MYO1H: variants seen among roughly 807,000 people sequenced by gnomAD.
MYO1H encodes the protein myosin IH, also known as unconventional myosin-Ih.
MYO1H carries 118 observed loss-of-function variants against 149.3 expected under a neutral mutation model. That is an observed-to-expected ratio of 0.79 (90% CI 0.68 to 0.92). MYO1H has a LOEUF of 0.92. Ranked by LOEUF, MYO1H falls within the 40% of genes least tolerant of loss-of-function variation. The pLI, the probability that MYO1H is intolerant of heterozygous loss-of-function variation, is 0.00. For missense variants in MYO1H, 1,212 were observed against 1,280.7 expected (o/e 0.95, Z 0.82); for synonymous variants, 447 against 465.2 (o/e 0.96, Z 0.50).
intron 1 of MYO1H, among the ~76,000 whole-genome samples, chr12:109,350,591 G>A (rs1868443813): frequency 1.3e-5 from 2 of 152,164 alleles, no homozygotes; most frequent in Non-Finnish European, 2.9e-5. Context: ...CCAGTCTCAA[G>A]TATGTCTTTA....
At chr12:109,407,721 A>T in intron 9 of MYO1H, 73 bp from the exon 10 acceptor site, 1 of 1,493,016 alleles carries the variant, frequency 6.7e-7, no homozygotes, top group Non-Finnish European at 9.0e-7. Flanking sequence ...TTTTTTAAGA[A>T]AAAAGACTTC....
chr12:109,310,767 TTCC>T, the MYO1H span, among the ~76,000 whole-genome samples: 3 of 152,094 alleles, frequency 2.0e-5, no homozygotes, highest in Non-Finnish European at 2.9e-5. Flanking sequence ...CTGGACGTCC[TTCC>T]TCCTTTCTTC....
chr12:109,367,064 C>T (rs996940809), intron 1 of MYO1H, among the ~76,000 whole-genome samples: 2 of 152,202 alleles, frequency 1.3e-5, no homozygotes, highest in Admixed American at 6.5e-5. Flanking sequence ...GATACTCAAC[C>T]TGTATGTCAA....
chr12:109,355,228 T>G (rs1230743113), intron 1 of MYO1H, among the ~76,000 whole-genome samples: 1 of 152,138 alleles, frequency 6.6e-6, no homozygotes, highest in Non-Finnish European at 1.5e-5. Flanking sequence ...TCAATATGAA[T>G]GTTTCTGTAT....
chr12:109,330,333 A>G, the MYO1H span, among the ~76,000 whole-genome samples: 3 of 152,208 alleles, frequency 2.0e-5, no homozygotes, highest in East Asian at 1.9e-4. Flanking sequence ...CTTTTTCAGT[A>G]TTTTTAAAGC....
At chr12:109,358,121 A>G (rs2137002081) in intron 1 of MYO1H, among the ~76,000 whole-genome samples, 1 of 151,592 alleles carries the variant, frequency 6.6e-6, no homozygotes. Flanking sequence ...GATATCTAGT[A>G]TGTTCTTAGG....
At chr12:109,378,099 A>G (rs1238373523) in intron 1 of MYO1H, among the ~76,000 whole-genome samples, 1 of 152,178 alleles carries the variant, frequency 6.6e-6, no homozygotes, top group East Asian at 1.9e-4. Flanking sequence ...CATATGCCAT[A>G]CAATTAATCT....
chr12:109,355,682 T>C (rs1868575704), intron 1 of MYO1H, among the ~76,000 whole-genome samples: 1 of 151,758 alleles, frequency 6.6e-6, no homozygotes, highest in Non-Finnish European at 1.5e-5. Context: ...TTTGTTTTTG[T>C]TTTGTTTTGT....
the MYO1H span, among the ~76,000 whole-genome samples, chr12:109,323,480 C>T: frequency 3.3e-5 from 5 of 152,198 alleles, no homozygotes; most frequent in East Asian, 3.9e-4. Context: ...CAGAAATGCA[C>T]GGATGTTCTA....
At chr12:109,397,679 T>C in intron 4 of MYO1H, 53 bp from the exon 5 acceptor site, 2 of 1,443,362 alleles carry the variant, frequency 1.4e-6, no homozygotes, top group South Asian at 2.6e-5. Flanking sequence ...GGGTCAGGAA[T>C]TTGATACGCA....
At chr12:109,357,259 A>T (rs1385250664) in intron 1 of MYO1H, 1 of 152,222 alleles carries the variant, frequency 6.6e-6, no homozygotes, top group African/African-American at 2.4e-5. Context: ...GGTGCTGTGA[A>T]CACAGAGCTG....
chr12:109,339,872 A>G, the MYO1H span, among the ~76,000 whole-genome samples: 3,974 of 152,336 alleles, frequency 0.026, 70 homozygotes, highest in Middle Eastern at 0.061. Flanking sequence ...GGGAATGTCA[A>G]TTCATTCATC....
intron 2 of MYO1H, 113 bp from the exon 3 acceptor site, chr12:109,393,218 G>A (rs983997051): frequency 1.6e-5 from 11 of 691,082 alleles, no homozygotes; most frequent in African/African-American, 7.1e-5. Flanking sequence ...CAGAGACCCC[G>A]CCTGATTTAT....
chr12:109,420,833 C>T (rs1024895464), intron 15 of MYO1H, 148 bp from the exon 16 acceptor site: 5 of 659,542 alleles, frequency 7.6e-6, no homozygotes, highest in Non-Finnish European at 1.4e-5. Context: ...ACGACCCAGC[C>T]CCAAATACCC....
the MYO1H span, among the ~76,000 whole-genome samples, chr12:109,341,229 CAA>C: frequency 2.6e-5 from 3 of 113,922 alleles, no homozygotes; most frequent in Admixed American, 1.1e-4. Flanking sequence ...CGTTCCATCT[CAA>C]AAAAAAAAAA....
the MYO1H span, among the ~76,000 whole-genome samples, chr12:109,310,992 C>G: frequency 6.6e-6 from 1 of 152,108 alleles, no homozygotes; most frequent in Non-Finnish European, 1.5e-5. Context: ...AATTAATTCA[C>G]CAGTAAAGTT....
intron 9 of MYO1H, 49 bp downstream of exon 9, chr12:109,406,909 G>GCTT: frequency 6.5e-7 from 1 of 1,537,744 alleles, no homozygotes; most frequent in Non-Finnish European, 9.0e-7. Flanking sequence ...TGCTGCTGCT[G>GCTT]CCTCCCTCGA....
At chr12:109,407,535 GGGA>G (rs1435983438) in intron 9 of MYO1H, among the ~76,000 whole-genome samples, 1 of 151,090 alleles carries the variant, frequency 6.6e-6, no homozygotes, top group Non-Finnish European at 1.5e-5. Flanking sequence ...AGGCTGCAGT[GGGA>G]GGATTCCTTG....
chr12:109,415,906 C>CATTTTATTTTATTTTATTTT (rs78343064), intron 15 of MYO1H, among the ~76,000 whole-genome samples: 26 of 144,482 alleles, frequency 1.8e-4, no homozygotes, highest in African/African-American at 6.2e-4. Flanking sequence ...TACCACCATT[C>CATTTTATTTTATTTTATTTT]ATTTTATTTT....
Sources: allele counts gnomAD v4.1 joint callset (sites outside exome capture counted in the v4.1 genomes callset), GRCh38; gene constraint gnomAD v4.1.1; transcripts MANE v1.5; gene names NCBI Gene and HGNC (gene_info 2026-07-23, HGNC 2026-07-21).